XYLT1: variants seen among roughly 807,000 people sequenced by gnomAD.
XYLT1 encodes the protein xylosyltransferase 1.
XYLT1 carries 36 observed loss-of-function variants against 91.3 expected under a neutral mutation model. The observed-to-expected ratio is 0.39, with a 90% confidence interval of 0.30 to 0.52. The LOEUF is 0.52. XYLT1 is among the 20% of genes least tolerant of loss of function. XYLT1 has a pLI of 0.68. For synonymous variants in XYLT1, 588 were observed against 532.0 expected, an observed-to-expected ratio of 1.11 and a Z score of -1.45; for missense variants, 1,242 against 1,284.5, an observed-to-expected ratio of 0.97 and a Z score of 0.51.
At chr16:17,388,454 C>G (rs1226768475) in intron 1 of XYLT1, among the ~76,000 whole-genome samples, 2 of 152,142 alleles carry the variant, frequency 1.3e-5, no homozygotes, top group South Asian at 2.1e-4. Flanking sequence ...GTTAAGGGAA[C>G]AAGCACGGTC....
chr16:17,276,494 C>T (rs1432090611), intron 2 of XYLT1, among the ~76,000 whole-genome samples: 4 of 152,200 alleles, frequency 2.6e-5, no homozygotes, highest in African/African-American at 9.7e-5. Context: ...ATGTACCCCT[C>T]TTGGCCATAT....
At chr16:17,192,377 C>G (rs2032333088) in intron 5 of XYLT1, among the ~76,000 whole-genome samples, 1 of 152,148 alleles carries the variant, frequency 6.6e-6, no homozygotes, top group Non-Finnish European at 1.5e-5. Flanking sequence ...GGTGGCATTA[C>G]AGGCATGAGC....
intron 2 of XYLT1, among the ~76,000 whole-genome samples, chr16:17,271,836 C>G (rs548642063): frequency 2.6e-5 from 4 of 152,198 alleles, no homozygotes; most frequent in African/African-American, 7.2e-5. Flanking sequence ...CATTCAGAAA[C>G]AGCCTTTCTT....
At chr16:17,197,202 C>G (rs576541937) in intron 5 of XYLT1, among the ~76,000 whole-genome samples, 4 of 151,820 alleles carry the variant, frequency 2.6e-5, no homozygotes, top group African/African-American at 9.7e-5. Context: ...TCCACTGAAC[C>G]CTGCTGTTCC....
At chr16:17,154,491 A>G (rs894581502) in intron 6 of XYLT1, among the ~76,000 whole-genome samples, 1 of 152,222 alleles carries the variant, frequency 6.6e-6, no homozygotes, top group Non-Finnish European at 1.5e-5. Context: ...AACTTCTCTG[A>G]TGCTCCCTGA....
chr16:17,215,971 C>T (rs564532091), intron 3 of XYLT1, among the ~76,000 whole-genome samples: 2 of 152,232 alleles, frequency 1.3e-5, no homozygotes, highest in Admixed American at 1.3e-4. Flanking sequence ...AGGCAGGACA[C>T]ATTTTGAAAT....
In XYLT1 at chr16:17,254,982, C is replaced by CT. The variant is rs1208712230; in HGVS notation, c.913+4005dup. On this transcript the variant is annotated intron_variant, in intron 3 of 11. Transcript: ENST00000261381. ...GCCCATGGCCTATTCTTTCTTTTTC[C>CT]TTTTTTTCTTTTTCTTTTTTTTTTT... is the stretch of plus-strand genomic sequence containing the variant. Among the ~76,000 whole-genome samples the CT allele has an allele frequency of 5.5e-5, 8 of 145,428 alleles. No individual in the cohort carries two copies. In the East Asian group the frequency reaches 7.9e-4, roughly 14 times the overall value.
intron 2 of XYLT1, among the ~76,000 whole-genome samples, chr16:17,280,168 T>C (rs1296835876): frequency 2.0e-5 from 3 of 152,134 alleles, no homozygotes; most frequent in Non-Finnish European, 2.9e-5. Flanking sequence ...CTGGACAACA[T>C]GGCGAAACCT....
At chr16:17,374,761 T>A (rs1290979815) in intron 1 of XYLT1, among the ~76,000 whole-genome samples, 1 of 151,710 alleles carries the variant, frequency 6.6e-6, no homozygotes, top group African/African-American at 2.4e-5. Context: ...TTTGCAAGAG[T>A]TCTATGGCTG....
chr16:17,123,634 G>A (rs538211763), intron 10 of XYLT1, among the ~76,000 whole-genome samples: 58 of 152,320 alleles, frequency 3.8e-4, no homozygotes, highest in African/African-American at 1.3e-3. Flanking sequence ...CTGATGAACA[G>A]CATGTATATT....
chr16:17,306,371 C>T (rs1157763706), intron 2 of XYLT1, among the ~76,000 whole-genome samples: 2 of 152,154 alleles, frequency 1.3e-5, no homozygotes, highest in African/African-American at 4.8e-5. Flanking sequence ...CAGCCAGGCA[C>T]AGTGGCTCAC....
At chr16:17,456,579 G>T (rs1313421344) in intron 1 of XYLT1, among the ~76,000 whole-genome samples, 4 of 152,064 alleles carry the variant, frequency 2.6e-5, no homozygotes, top group Admixed American at 2.6e-4. Context: ...GGGCTCCAGC[G>T]ATCTTCCCAC....
chr16:17,456,324 G>A (rs969238519), intron 1 of XYLT1, among the ~76,000 whole-genome samples: 8 of 145,300 alleles, frequency 5.5e-5, no homozygotes, highest in Non-Finnish European at 7.5e-5. Flanking sequence ...CAGGCAAACA[G>A]TACAAACCTT....
chr16:17,118,119 C>T (rs1259742557), intron 10 of XYLT1, 140 bp from the exon 11 acceptor site: 3 of 838,618 alleles, frequency 3.6e-6, no homozygotes, highest in African/African-American at 3.4e-5. Flanking sequence ...AAGTCACCTG[C>T]TCAAGGTTGC....
chr16:17,187,663 G>A (rs956973353), intron 5 of XYLT1, among the ~76,000 whole-genome samples: 1 of 144,864 alleles, frequency 6.9e-6, no homozygotes, highest in Non-Finnish European at 1.5e-5. Flanking sequence ...TTTTCTTTTT[G>A]GGATGGAGTT....
rs146670294 is a variant in XYLT1 at position 17,383,968 on chromosome 16, G to A, written c.364-25918C>T. ...TCGCCATGTGGGCCAGGCTGGTCTCGCCCTCCTGACCTCAGGTGATCTGCC... is the reference window on the plus strand; with the variant it reads ...TCGCCATGTGGGCCAGGCTGGTCTCACCCTCCTGACCTCAGGTGATCTGCC... On this transcript the variant is annotated intron_variant, in intron 1 of 11. Coordinates refer to ENST00000261381, the MANE Select transcript of XYLT1 (RefSeq NM_022166.4). 0.012 allele frequency among the ~76,000 whole-genome samples: 1,871 copies of A among 151,750 alleles called. 227 individuals are homozygous for A. In the East Asian group the frequency reaches 0.23, roughly 19 times the overall value.
At chr16:17,317,394 A>T (rs1199036865) in intron 2 of XYLT1, among the ~76,000 whole-genome samples, 1 of 151,820 alleles carries the variant, frequency 6.6e-6, no homozygotes, top group African/African-American at 2.4e-5. Flanking sequence ...GCACTTTGGG[A>T]GGCCTAGGCG....
intron 3 of XYLT1, among the ~76,000 whole-genome samples, chr16:17,206,276 T>C (rs978206116): frequency 2.6e-5 from 4 of 152,042 alleles, no homozygotes; most frequent in African/African-American, 9.7e-5. Flanking sequence ...CGCTCAAGGT[T>C]CTTTGTTAGA....
At position 17,307,748 on chromosome 16, in the gene XYLT1, C is replaced by T. The variant is rs527273122; in HGVS notation, c.403-48250G>A. 5.3e-5 allele frequency among the ~76,000 whole-genome samples: 8 copies of T among 152,202 alleles called. No individual in the cohort carries two copies. In the East Asian group the frequency reaches 1.5e-3, roughly 29 times the overall value. ...GATCGGGGCTTGGAATGCTTCCATA[C>T]CCAGGGCCTTCCTGCACCCCAGGAG... On this transcript the variant is annotated intron_variant, in intron 2 of 11. Coordinates refer to ENST00000261381, the MANE Select transcript of XYLT1 (RefSeq NM_022166.4).
Sources: gnomAD v4.1 joint callset for allele counts (sites outside exome capture counted in the v4.1 genomes callset) on GRCh38, gnomAD v4.1.1 for gene constraint, MANE v1.5 for transcripts, NCBI Gene and HGNC (gene_info 2026-07-23, HGNC 2026-07-21) for gene names.